OVOL2: variants seen among roughly 807,000 people sequenced by gnomAD.
OVOL2 encodes the protein ovo like zinc finger 2.
Under a neutral mutation model 18.1 loss-of-function variants are expected in OVOL2, and 13 were observed. That is an observed-to-expected ratio of 0.72 (90% confidence interval 0.47 to 1.14). The LOEUF is 1.14. Ranked by LOEUF, OVOL2 falls within the 50% of genes most tolerant of loss-of-function variation. The probability of loss-of-function intolerance (pLI) is 0.00; values close to 1 mark genes in which losing one functional copy is unlikely to be tolerated. For synonymous variants in OVOL2, 166 were observed against 162.7 expected, an observed-to-expected ratio of 1.02 and a Z score of -0.16; for missense variants, 335 against 383.0, an observed-to-expected ratio of 0.87 and a Z score of 1.05.
At chr20:18,034,871 G>A (rs11905551) in intron 3 of OVOL2, among the ~76,000 whole-genome samples, 1 of 151,900 alleles carries the variant, frequency 6.6e-6, no homozygotes, top group African/African-American at 2.4e-5. Context: ...GAAGAGATGG[G>A]GGAGTCGGGG....
chr20:18,036,650 G>A (rs995025856), intron 3 of OVOL2, among the ~76,000 whole-genome samples: 4 of 151,406 alleles, frequency 2.6e-5, no homozygotes, highest in Non-Finnish European at 5.9e-5. Context: ...CTCAGGTTGG[G>A]AGTCTGAAGG....
intron 2 of OVOL2, among the ~76,000 whole-genome samples, chr20:18,045,188 T>G (rs1471557576): frequency 6.6e-6 from 1 of 152,168 alleles, no homozygotes; most frequent in Non-Finnish European, 1.5e-5. Context: ...CCTGCTTACT[T>G]CCACCCTTGA....
chr20:18,030,337 T>C (rs1208090380), intron 3 of OVOL2, among the ~76,000 whole-genome samples: 1 of 152,234 alleles, frequency 6.6e-6, no homozygotes, highest in Non-Finnish European at 1.5e-5. Context: ...TAGTTGCTCC[T>C]TTCACTAGTT....
rs1447277494 is a variant in OVOL2 at position 18,024,357 on chromosome 20, A to G, written c.*279T>C. ...CGTGTGTGAAAATCCTTGGGGGAAA[A>G]AAAAATCCCACACGGTGTTCTTGGC... On this transcript the variant is annotated 3_prime_UTR_variant, in exon 4 of 4. Transcript: ENST00000278780. The G allele has an allele frequency of 9.7e-6, 4 of 413,342 alleles. No individual in the cohort carries two copies. The highest frequency in any genetic ancestry group is 7.9e-5 in the African/African-American group (4 of 50,580). 25.6% of individuals were successfully genotyped at this position (413,342 alleles called of 1,614,324 possible).
chr20:18,041,528 G>A lies in OVOL2; in HGVS notation c.511+6C>T, dbSNP rs567201684. The A allele has an allele frequency of 3.7e-6, 6 of 1,606,722 alleles. No individual in the cohort carries two copies. Among genetic ancestry groups the A allele is most frequent in the African/African-American group, 2.7e-5 (2 of 74,892 alleles). ...ACAGAGAACAAAGCACGCACTCCCC[G>A]CTCACCTGTGTGTGTGCGGACGTGC... is the stretch of plus-strand genomic sequence containing the variant. On this transcript the variant is annotated splice_donor_region_variant and intron_variant, in intron 3 of 3. Coordinates refer to ENST00000278780, the MANE Select transcript of OVOL2 (RefSeq NM_021220.4).
intron 2 of OVOL2, among the ~76,000 whole-genome samples, chr20:18,042,569 G>A (rs892254712): frequency 1.3e-5 from 2 of 151,896 alleles, no homozygotes; most frequent in Non-Finnish European, 1.5e-5. Context: ...CTGAGGTCGG[G>A]AATTTGAGAT....
At chr20:18,026,535 C>T (rs749224049) in intron 3 of OVOL2, among the ~76,000 whole-genome samples, 13 of 152,112 alleles carry the variant, frequency 8.5e-5, no homozygotes, top group Non-Finnish European at 1.8e-4. Context: ...GCACCCGCCA[C>T]CACGCCCAGC....
chr20:18,042,902 GA>G (rs2036687691), intron 2 of OVOL2, among the ~76,000 whole-genome samples: 1 of 151,850 alleles, frequency 6.6e-6, no homozygotes, highest in South Asian at 2.1e-4. Context: ...CTCACCAGAA[GA>G]AGACACCAGC....
At chr20:18,046,723 C>T (rs968790662) in intron 2 of OVOL2, among the ~76,000 whole-genome samples, 17 of 152,284 alleles carry the variant, frequency 1.1e-4, no homozygotes, top group African/African-American at 4.1e-4. Flanking sequence ...GGGCAGAGGA[C>T]CAGCTGACCC....
chr20:18,056,740 C>A lies in OVOL2; in HGVS notation c.238G>T (p.Glu80Ter). 1 of 1,484,598 alleles carries A rather than the reference C, an allele frequency of 6.7e-7. No homozygotes were observed. Among genetic ancestry groups the A allele is most frequent in the Non-Finnish European group, 8.9e-7 (1 of 1,124,954 alleles). 92.0% of individuals were successfully genotyped at this position (1,484,598 alleles called of 1,614,324 possible). ...TCGGCGTCGCCGGGCTCGGGGGTTT[C>A]GCTCTCGGGGGCGTGCGGGGACGAG... ...SSSSPHAPES[E>*]TPEPGDAEGP... The change falls in exon 2 of 4, where the codon GAA becomes TAA. Residue 80 changes from glutamate (E) to a stop codon, truncating the protein, a stop_gained. Transcript: ENST00000278780. LOFTEE classifies it high-confidence loss of function. This position sits in a 1 kb window ranked among gnomAD's most constrained non-coding sequence, Gnocchi z 4.2.
chr20:18,033,327 C>T (rs747451932), intron 3 of OVOL2, among the ~76,000 whole-genome samples: 2 of 152,160 alleles, frequency 1.3e-5, no homozygotes, highest in Non-Finnish European at 2.9e-5. Flanking sequence ...CTCGGCTTCA[C>T]CCTGTGGAAC....
At position 18,057,514 on chromosome 20, in the gene OVOL2, C is replaced by G; in HGVS notation, c.100+21G>C. ...CACCCCGGGAGCCCAGCGCCCAGGC[C>G]CGGCCCCCGCGCGCGCTCACCTGGG... On this transcript the variant is annotated intron_variant, in intron 1 of 3. Transcript: ENST00000278780. The surrounding 1 kb of genome is among the most constrained non-coding windows in gnomAD (Gnocchi z 6.3). The G allele has an allele frequency of 6.4e-7, 1 of 1,551,424 alleles. No homozygotes were observed. Among genetic ancestry groups the G allele is most frequent in the Middle Eastern group, 1.7e-4 (1 of 5,802 alleles).
At chr20:18,049,422 T>C (rs575058883) in intron 2 of OVOL2, among the ~76,000 whole-genome samples, 3 of 152,220 alleles carry the variant, frequency 2.0e-5, no homozygotes, top group Non-Finnish European at 2.9e-5. Context: ...TAATGGTCTA[T>C]GGGAGGATAT....
chr20:18,033,874 G>T lies in OVOL2; in HGVS notation c.511+7660C>A, dbSNP rs571668067. Among the ~76,000 whole-genome samples the T allele has an allele frequency of 7.9e-5, 12 of 152,296 alleles. No individual in the cohort carries two copies. In the South Asian group the frequency reaches 1.7e-3, roughly 21 times the overall value. ...CCATTCTTAGGAAGCATCCTAGCCT[G>T]TTCAACCTAAAACACTTAAATAAAT... On this transcript the variant is annotated intron_variant, in intron 3 of 3. Coordinates refer to ENST00000278780, the MANE Select transcript of OVOL2 (RefSeq NM_021220.4).
chr20:18,026,446 ATCTCAGCTCACTGC>A (rs2036517236), intron 3 of OVOL2, among the ~76,000 whole-genome samples: 2 of 150,084 alleles, frequency 1.3e-5, no homozygotes, highest in Non-Finnish European at 3.0e-5. Flanking sequence ...CAGTGGCGCA[ATCTCAGCTCACTGC>A]AAGCTCCACC....
intron 2 of OVOL2, among the ~76,000 whole-genome samples, chr20:18,055,348 G>A (rs1427414684): frequency 1.3e-5 from 2 of 152,140 alleles, no homozygotes. Context: ...ATATGCAAGT[G>A]GGGCACTTTG....
At chr20:18,054,719 T>G (rs1033944729) in intron 2 of OVOL2, among the ~76,000 whole-genome samples, 1 of 134,232 alleles carries the variant, frequency 7.4e-6, no homozygotes, top group African/African-American at 2.9e-5. Context: ...TCAGCTAAGA[T>G]CCAGCCATTG....
chr20:18,044,557 C>T (rs1483030454), intron 2 of OVOL2, among the ~76,000 whole-genome samples: 1 of 152,114 alleles, frequency 6.6e-6, no homozygotes, highest in African/African-American at 2.4e-5. Context: ...CTTAATTTGC[C>T]CCAGCTAACA....
At chr20:18,027,522 C>T (rs561545060) in intron 3 of OVOL2, among the ~76,000 whole-genome samples, 1,198 of 82,890 alleles carry the variant, frequency 0.014, 18 homozygotes, top group African/African-American at 0.07. Context: ...AGCGCGACTC[C>T]GTCTCCAAAA....
Sources: allele counts gnomAD v4.1 joint callset (sites outside exome capture counted in the v4.1 genomes callset), GRCh38; gene constraint gnomAD v4.1.1; non-coding constraint Gnocchi (gnomAD v3.1); transcripts MANE v1.5; gene names NCBI Gene and HGNC (gene_info 2026-07-23, HGNC 2026-07-21).